The following CRTC3 variants were observed in gnomAD, a reference collection of about 807,000 sequenced individuals.
CRTC3 encodes CREB-regulated transcription coactivator 3.
A neutral mutation model predicts 74.5 loss-of-function variants in CRTC3; 26 were observed. That is an observed-to-expected ratio of 0.35 (90% CI 0.26 to 0.48). The LOEUF is 0.48. Among genes scored for constraint, CRTC3 ranks in the 20% least tolerant of loss-of-function variants. The probability of loss-of-function intolerance (pLI) is 0.99; values close to 1 mark genes in which losing one functional copy is unlikely to be tolerated. For missense variants in CRTC3, 760 were observed against 787.3 expected (o/e 0.97, Z 0.41); for synonymous variants, 377 against 325.8 (o/e 1.16, Z -1.69).
At position 90,607,440 on chromosome 15, in the gene CRTC3, G is replaced by A; in HGVS notation, c.539G>A (p.Gly180Glu). The A allele has an allele frequency of 1.2e-6, 2 of 1,613,176 alleles. No individual in the cohort carries two copies. Among genetic ancestry groups the A allele is most frequent in the Non-Finnish European group, 1.7e-6 (2 of 1,179,464 alleles). The change falls in exon 6 of 15, where the codon GGA (glycine) becomes GAA (glutamate). Residue 180 changes from glycine (G) to glutamate (E), a missense_variant. Physicochemically the swap from Gly to Glu is moderately conservative, Grantham distance 98. Transcript: ENST00000268184. ...ALSTKPQDPY[G>E]GGGQSAWPAP... is the part of the protein sequence containing the mutation. ...AGTACCAAGCCCCAGGACCCCTATG[G>A]AGGAGGGGGCCAGTCGGCCTGGCCT...
At chr15:90,607,518 C>A in intron 6 of CRTC3, 40 bp downstream of exon 6, 1 of 1,271,378 alleles carries the variant, frequency 7.9e-7, no homozygotes, top group Non-Finnish European at 1.1e-6. Flanking sequence ...GCTGTGCTTG[C>A]TCATTCTGTC....
rs554919800 is a variant in CRTC3 at position 90,628,244 on chromosome 15, A to G, written c.968-990A>G. 6.6e-5 allele frequency among the ~76,000 whole-genome samples: 10 copies of G among 150,404 alleles called. No homozygotes were observed. The East Asian group carries it at 8.5e-4, about 13-fold the overall frequency. ...AAAAAATAATAATAATAATAGTGAT[A>G]ATAATAATTTTGCCAGCTGCTGGAT... On this transcript the variant is annotated intron_variant, in intron 10 of 14. Coordinates refer to ENST00000268184, the MANE Select transcript of CRTC3 (RefSeq NM_022769.5).
intron 9 of CRTC3, among the ~76,000 whole-genome samples, chr15:90,621,347 G>GGGT (rs1968645816): frequency 7.3e-6 from 1 of 137,304 alleles, no homozygotes; most frequent in Non-Finnish European, 1.6e-5. Flanking sequence ...ATTTGAGATG[G>GGGT]AGTATCGCTC....
chr15:90,631,989 C>G (rs1057262043), intron 11 of CRTC3, among the ~76,000 whole-genome samples: 3 of 151,778 alleles, frequency 2.0e-5, no homozygotes, highest in African/African-American at 7.3e-5. Flanking sequence ...CAGCCTTGAA[C>G]TCCCTGAGCT....
intron 2 of CRTC3, among the ~76,000 whole-genome samples, chr15:90,572,537 T>C (rs1967295947): frequency 6.6e-6 from 1 of 152,174 alleles, no homozygotes; most frequent in South Asian, 2.1e-4. Flanking sequence ...TATGAGTGTC[T>C]GTTCTTTCAT....
intron 2 of CRTC3, among the ~76,000 whole-genome samples, chr15:90,555,277 T>G (rs1966878557): frequency 6.6e-6 from 1 of 152,174 alleles, no homozygotes; most frequent in African/African-American, 2.4e-5. Flanking sequence ...CAGGAAACAT[T>G]TGTTCTGACT....
chr15:90,598,591 T>C (rs1201680967), intron 3 of CRTC3: 2 of 697,198 alleles, frequency 2.9e-6, no homozygotes, highest in Non-Finnish European at 5.2e-6. Context: ...AGTGTCTTGG[T>C]GGACGGTGGC....
At chr15:90,563,360 C>T (rs1967054440) in intron 2 of CRTC3, among the ~76,000 whole-genome samples, 1 of 152,020 alleles carries the variant, frequency 6.6e-6, no homozygotes, top group Non-Finnish European at 1.5e-5. Flanking sequence ...GAGTAGAGAT[C>T]ACTCCACTGC....
chr15:90,596,438 C>T (rs537223770), intron 3 of CRTC3: 21 of 152,116 alleles, frequency 1.4e-4, no homozygotes, highest in African/African-American at 5.1e-4. Flanking sequence ...CAAAGCTAGT[C>T]AACTCCTAAA....
At chr15:90,561,308 A>G (rs1967006460) in intron 2 of CRTC3, among the ~76,000 whole-genome samples, 1 of 152,242 alleles carries the variant, frequency 6.6e-6, no homozygotes, top group Admixed American at 6.5e-5. Flanking sequence ...CTTTGCAGGT[A>G]TCCTACCTAG....
At chr15:90,622,727 T>G (rs1968695059) in intron 9 of CRTC3, among the ~76,000 whole-genome samples, 1 of 152,158 alleles carries the variant, frequency 6.6e-6, no homozygotes, top group East Asian at 1.9e-4. Flanking sequence ...AGTACATGCC[T>G]GTAATCCCAG....
At chr15:90,629,588 A>C in intron 11 of CRTC3, 56 bp downstream of exon 11, 1 of 1,562,594 alleles carries the variant, frequency 6.4e-7, no homozygotes, top group Non-Finnish European at 8.8e-7. Flanking sequence ...AAGATATAGG[A>C]AGTGCATTCC....
intron 3 of CRTC3, chr15:90,598,654 T>C: frequency 1.6e-6 from 1 of 622,840 alleles, no homozygotes; most frequent in Non-Finnish European, 2.9e-6. Context: ...GGGACAGTGA[T>C]TGGTTGGATT....
At chr15:90,579,572 G>A (rs1967486625) in intron 2 of CRTC3, among the ~76,000 whole-genome samples, 1 of 148,026 alleles carries the variant, frequency 6.8e-6, no homozygotes, top group African/African-American at 2.5e-5. Context: ...GCATTTCTCT[G>A]TAAATTTCAT....
At chr15:90,641,028 A>G in intron 13 of CRTC3, 69 bp from the exon 14 acceptor site, 1 of 1,000,264 alleles carries the variant, frequency 1.0e-6, no homozygotes, top group Non-Finnish European at 1.6e-6. Context: ...CTGGGAGCAC[A>G]TTGCAATACT....
intron 2 of CRTC3, among the ~76,000 whole-genome samples, 166 bp downstream of exon 2, chr15:90,540,303 A>G (rs1966782416): frequency 6.6e-6 from 1 of 152,262 alleles, no homozygotes. Flanking sequence ...ACAGCATACG[A>G]TAGTGTTATT....
chr15:90,609,464 C>T (rs1028019974), intron 6 of CRTC3, among the ~76,000 whole-genome samples: 8 of 152,120 alleles, frequency 5.3e-5, no homozygotes, highest in African/African-American at 1.7e-4. Flanking sequence ...CTCCATGGAC[C>T]GGGAGCCAGC....
At chr15:90,606,673 T>C (rs1968230326) in intron 5 of CRTC3, 1 of 152,188 alleles carries the variant, frequency 6.6e-6, no homozygotes, top group African/African-American at 2.4e-5. Context: ...TTTTTAAAGA[T>C]ACTAGTGAAT....
At chr15:90,639,877 C>A (rs1035316841) in intron 13 of CRTC3, among the ~76,000 whole-genome samples, 3 of 151,704 alleles carry the variant, frequency 2.0e-5, no homozygotes, top group Non-Finnish European at 4.4e-5. Context: ...GAAACCTTGT[C>A]TCTACTAAAA....
Sources: allele counts gnomAD v4.1 joint callset (sites outside exome capture counted in the v4.1 genomes callset), GRCh38; gene constraint gnomAD v4.1.1; transcripts MANE v1.5; gene names NCBI Gene and HGNC (gene_info 2026-07-23, HGNC 2026-07-21).